RGS6: variants seen among roughly 807,000 people sequenced by gnomAD.
RGS6 encodes the protein regulator of G-protein signaling 6.
In RGS6, 30 loss-of-function variants were observed where a neutral mutation model predicts 78.5. The observed-to-expected ratio is 0.38, with a 90% confidence interval of 0.29 to 0.52. The LOEUF is 0.52. Among genes scored for constraint, RGS6 ranks in the 20% least tolerant of loss-of-function variants. RGS6 has a pLI of 0.85. For synonymous variants in RGS6, 206 were observed against 206.0 expected (o/e 1.00, Z 0.00); for missense variants, 495 against 609.7 (o/e 0.81, Z 1.98).
chr14:72,485,474 C>T (rs1014345511), intron 12 of RGS6, among the ~76,000 whole-genome samples: 1 of 152,182 alleles, frequency 6.6e-6, no homozygotes, highest in Non-Finnish European at 1.5e-5. Context: ...GCCTGGCCTT[C>T]TCATTGTCTT....
At chr14:72,005,568 T>C (rs2084390569) in intron 2 of RGS6, among the ~76,000 whole-genome samples, 1 of 152,180 alleles carries the variant, frequency 6.6e-6, no homozygotes, top group Non-Finnish European at 1.5e-5. Context: ...ATTTTCTTTC[T>C]TGTGCTTATT....
At chr14:72,058,840 AACCCAGGGCC>A (rs2093750124) in intron 2 of RGS6, among the ~76,000 whole-genome samples, 1 of 152,204 alleles carries the variant, frequency 6.6e-6, no homozygotes, top group Non-Finnish European at 1.5e-5. Context: ...GAATGCTATT[AACCCAGGGCC>A]TACCATCAAA....
intron 2 of RGS6, among the ~76,000 whole-genome samples, chr14:72,132,811 G>T (rs2096355759): frequency 6.6e-6 from 1 of 150,748 alleles, no homozygotes. Flanking sequence ...GTCAGACATG[G>T]CCTGCACCAT....
At chr14:72,239,057 T>A (rs1416863543) in intron 2 of RGS6, among the ~76,000 whole-genome samples, 1 of 151,776 alleles carries the variant, frequency 6.6e-6, no homozygotes, top group Non-Finnish European at 1.5e-5. Flanking sequence ...AGAGCAGGAG[T>A]GAAAGTTTAT....
intron 2 of RGS6, among the ~76,000 whole-genome samples, chr14:72,074,206 T>A (rs1008788460): frequency 6.6e-6 from 1 of 152,196 alleles, no homozygotes; most frequent in African/African-American, 2.4e-5. Flanking sequence ...TTCTTATTTA[T>A]TTTTCTATGA....
chr14:72,188,686 C>G (rs1197719494), intron 2 of RGS6, among the ~76,000 whole-genome samples: 1 of 152,104 alleles, frequency 6.6e-6, no homozygotes, highest in Non-Finnish European at 1.5e-5. Context: ...TGTGCATCAC[C>G]CTGTGTTGCG....
At chr14:72,330,098 A>G (rs2074667421) in intron 2 of RGS6, among the ~76,000 whole-genome samples, 1 of 152,180 alleles carries the variant, frequency 6.6e-6, no homozygotes, top group African/African-American at 2.4e-5. Context: ...AGAAGCAAAT[A>G]TTTCTCCAGC....
intron 3 of RGS6, among the ~76,000 whole-genome samples, chr14:72,381,906 C>T (rs11626574): frequency 0.57 from 85,787 of 151,508 alleles, 25,655 homozygotes; most frequent in African/African-American, 0.77. Context: ...CTCTATTGTT[C>T]GGAAAAATGG....
At chr14:72,408,853 A>G (rs900841622) in intron 3 of RGS6, among the ~76,000 whole-genome samples, 5 of 152,210 alleles carry the variant, frequency 3.3e-5, no homozygotes, top group Non-Finnish European at 7.3e-5. Flanking sequence ...TGGAGTCATC[A>G]TAGGGTGCCT....
intron 3 of RGS6, among the ~76,000 whole-genome samples, chr14:72,446,512 G>A (rs1309281859): frequency 6.6e-6 from 1 of 152,222 alleles, no homozygotes; most frequent in Non-Finnish European, 1.5e-5. Flanking sequence ...GTCAGCTAGA[G>A]CTGTGTTCCC....
chr14:72,057,340 A>G (rs1383758549), intron 2 of RGS6, among the ~76,000 whole-genome samples: 1 of 143,622 alleles, frequency 7.0e-6, no homozygotes, highest in South Asian at 2.3e-4. Flanking sequence ...AAAAAAAAAA[A>G]GAATGTTTGC....
intron 14 of RGS6, among the ~76,000 whole-genome samples, chr14:72,512,389 A>G (rs2096889250): frequency 6.6e-6 from 1 of 152,162 alleles, no homozygotes; most frequent in South Asian, 2.1e-4. Flanking sequence ...TATGCATCAC[A>G]CTTAAAGCCC....
intron 2 of RGS6, among the ~76,000 whole-genome samples, chr14:72,177,813 T>A (rs991244574): frequency 6.6e-6 from 1 of 152,218 alleles, no homozygotes; most frequent in African/African-American, 2.4e-5. Flanking sequence ...GAAAATCGCA[T>A]GGAATTTACT....
intron 2 of RGS6, among the ~76,000 whole-genome samples, chr14:72,053,131 T>TCC (rs1456630059): frequency 0.012 from 1,473 of 117,916 alleles, 46 homozygotes; most frequent in Middle Eastern, 0.031. Context: ...CTTCCTTCCT[T>TCC]TCTTTTTTTG....
intron 3 of RGS6, among the ~76,000 whole-genome samples, chr14:72,441,846 C>CA (rs2095214613): frequency 6.6e-6 from 1 of 152,216 alleles, no homozygotes; most frequent in Admixed American, 6.5e-5. Context: ...GATAGGAGGC[C>CA]CCCAGCAGTG....
chr14:72,280,438 G>C (rs765240482), intron 2 of RGS6, among the ~76,000 whole-genome samples: 2 of 152,204 alleles, frequency 1.3e-5, no homozygotes, highest in Non-Finnish European at 2.9e-5. Context: ...TGTCTCAGCT[G>C]TGCCATGCTG....
chr14:72,356,162 C>T (rs1233583560), intron 3 of RGS6, among the ~76,000 whole-genome samples: 1 of 152,110 alleles, frequency 6.6e-6, no homozygotes, highest in Non-Finnish European at 1.5e-5. Flanking sequence ...TGTCCCTACC[C>T]AAATCGCATC....
intron 3 of RGS6, among the ~76,000 whole-genome samples, chr14:72,371,157 T>C (rs2083435620): frequency 6.6e-6 from 1 of 152,220 alleles, no homozygotes. Context: ...TGTAACATGT[T>C]TTATTTAAAT....
At position 72,230,086 on chromosome 14, in the gene RGS6, G is replaced by A. The variant is rs535688932; in HGVS notation, c.85-122009G>A. Reference sequence around the variant, plus strand: ...AGACTTGGAATTGGGGTATCAAATTGTCTGGCTTAGTAGAACCAGATGGAA... The same window carrying A: ...AGACTTGGAATTGGGGTATCAAATTATCTGGCTTAGTAGAACCAGATGGAA... On this transcript the variant is annotated intron_variant, in intron 2 of 17. Coordinates refer to ENST00000553525, the MANE Select transcript of RGS6 (RefSeq NM_001204424.2). Among the ~76,000 whole-genome samples the A allele has an allele frequency of 2.0e-5, 3 of 152,354 alleles. 1 individual carries two copies. In the South Asian group the frequency reaches 6.2e-4, roughly 32 times the overall value.
Sources: allele counts gnomAD v4.1 joint callset (sites outside exome capture counted in the v4.1 genomes callset), GRCh38; gene constraint gnomAD v4.1.1; transcripts MANE v1.5; gene names NCBI Gene and HGNC (gene_info 2026-07-23, HGNC 2026-07-21).